Variants in CACNA1B observed in about 807,000 individuals in gnomAD.
CACNA1B encodes calcium voltage-gated channel subunit alpha1 B, also known as voltage-dependent N-type calcium channel subunit alpha-1B.
In CACNA1B, 70 loss-of-function variants were observed where a neutral mutation model predicts 247.2. The observed-to-expected ratio is 0.28, with a 90% confidence interval of 0.23 to 0.35. The LOEUF is 0.35. Ranked by LOEUF, CACNA1B falls within the 10% of genes least tolerant of loss-of-function variation. The probability of loss-of-function intolerance (pLI) is 1.00; values close to 1 mark genes in which losing one functional copy is unlikely to be tolerated. For synonymous variants in CACNA1B, 1,231 were observed against 1,294.4 expected, an observed-to-expected ratio of 0.95 and a Z score of 1.05; for missense variants, 2,367 against 3,197.4, an observed-to-expected ratio of 0.74 and a Z score of 6.26.
Position 138,012,647 on chromosome 9 carries a change from G to C in CACNA1B, c.2161-482G>C, listed in dbSNP as rs1202407766. Among the ~76,000 whole-genome samples, 1 of 151,852 alleles carries C rather than the reference G, an allele frequency of 6.6e-6. No individual in the cohort carries two copies. Among genetic ancestry groups the C allele is most frequent in the Non-Finnish European group, 1.5e-5 (1 of 67,964 alleles). On this transcript the variant is annotated intron_variant, in intron 17 of 46. Transcript: ENST00000371372. This position sits in a 1 kb window ranked among gnomAD's most constrained non-coding sequence, Gnocchi z 4.2. ...GAGGATCACTTAAGCCTGGGAGGTC[G>C]AGGCTGCAGTGAGCTGAGATTGAGC...
At chr9:138,083,621 C>G (rs185913078) in intron 36 of CACNA1B, among the ~76,000 whole-genome samples, 5 of 140,638 alleles carry the variant, frequency 3.6e-5, no homozygotes, top group Non-Finnish European at 7.7e-5. Context: ...GGCTGTGCAT[C>G]CCAGGGCTGA....
At position 138,013,208 on chromosome 9, in the gene CACNA1B, T is replaced by A; in HGVS notation, c.2240T>A (p.Met747Lys). 1 of 1,605,306 alleles carries A rather than the reference T, an allele frequency of 6.2e-7. No homozygotes were observed. Among genetic ancestry groups the A allele is most frequent in the Non-Finnish European group, 8.5e-7 (1 of 1,176,038 alleles). The change falls in exon 18 of 47, where the codon ATG becomes AAG. Residue 747 changes from methionine to lysine, a missense_variant. By Grantham distance (95) the Met-to-Lys change is moderately conservative. Transcript: ENST00000371372. The stretch of plus-strand genomic sequence containing the variant: ...AAAGAAGTGGCTGAAGTCAGCCCCA[T>A]GTCTGCCGCGAACATCTCCATCGCC... The part of the protein sequence containing the change: ...KAKEVAEVSP[M>K]SAANISIAAR...
chr9:138,029,152 GT>G (rs1958957365), intron 20 of CACNA1B, among the ~76,000 whole-genome samples: 1 of 152,142 alleles, frequency 6.6e-6, no homozygotes. Flanking sequence ...AGATATATAT[GT>G]TTTCCAGAAG....
chr9:137,972,045 T>A (rs898552921), intron 11 of CACNA1B, among the ~76,000 whole-genome samples: 1 of 152,164 alleles, frequency 6.6e-6, no homozygotes, highest in African/African-American at 2.4e-5. Flanking sequence ...GAGTCCTGGC[T>A]TCTTACCCTC....
At chr9:138,028,869 G>A (rs944898225) in intron 20 of CACNA1B, among the ~76,000 whole-genome samples, 1 of 152,180 alleles carries the variant, frequency 6.6e-6, no homozygotes, top group African/African-American at 2.4e-5. Flanking sequence ...AGCTCTAAAA[G>A]TTCCCAGAGT....
chr9:138,112,529 C>T (rs1194790774), intron 40 of CACNA1B, 24 bp downstream of exon 40: 4 of 1,432,450 alleles, frequency 2.8e-6, no homozygotes, highest in South Asian at 2.3e-5. Flanking sequence ...TGAGAAATGC[C>T]CCCAGCCCCC....
At position 138,096,609 on chromosome 9, in the gene CACNA1B, G is replaced by A. The variant is rs200577607; in HGVS notation, c.5220G>A (p.Ala1740=). Residue 1740 remains alanine, a splice_region_variant and synonymous_variant, in exon 37 of 47, where the codon GCG becomes GCA. Coordinates refer to ENST00000371372, the MANE Select transcript of CACNA1B (RefSeq NM_000718.4). ...TCTGGGCTGAATACGACCCGGCTGC[G>A]TGGTAAGTGAGCCGTGGTGCTCTGT... ...IRVWAEYDPA[A]CGRISYNDMF... The A allele has an allele frequency of 1.2e-5, 20 of 1,611,504 alleles. No homozygotes were observed. Among genetic ancestry groups the A allele is most frequent in the Middle Eastern group, 1.6e-4 (1 of 6,074 alleles).
intron 22 of CACNA1B, 93 bp from the exon 23 acceptor site, chr9:138,047,306 T>G (rs1297372966): frequency 1.0e-6 from 1 of 962,308 alleles, no homozygotes; most frequent in Non-Finnish European, 1.7e-6. Context: ...GGCTGACTGC[T>G]CAGAGGCCTG....
chr9:137,980,372 A>G (rs1958280236), intron 12 of CACNA1B, among the ~76,000 whole-genome samples: 1 of 152,194 alleles, frequency 6.6e-6, no homozygotes, highest in Admixed American at 6.5e-5. Flanking sequence ...TGTGTGAGGC[A>G]CCCTCAATCT....
rs1189173477 is a variant in CACNA1B, at chr9:137,975,969, C to T, written c.1606C>T (p.Leu536=). ...AGAGATGTCCCTGAAGATGTATGGC[C>T]TGGGGCCCAGAAGCTACTTCCGGTC... ...LTEMSLKMYG[L]GPRSYFRSSF... The change falls in exon 12 of 47, where the codon CTG becomes TTG. Residue 536 remains leucine (L), a synonymous_variant. Transcript: ENST00000371372. 3 of 1,613,746 alleles carry T rather than the reference C, an allele frequency of 1.9e-6. No individual in the cohort carries two copies. The South Asian group carries it at 3.3e-5, about 18-fold the overall frequency.
At chr9:137,903,962 C>G (rs1390525945) in intron 3 of CACNA1B, among the ~76,000 whole-genome samples, 1 of 152,216 alleles carries the variant, frequency 6.6e-6, no homozygotes, top group African/African-American at 2.4e-5. Flanking sequence ...CACACCCCTT[C>G]TGGGTAGAGC....
At chr9:138,107,716 G>A (rs1201484396) in intron 39 of CACNA1B, among the ~76,000 whole-genome samples, 4 of 152,120 alleles carry the variant, frequency 2.6e-5, no homozygotes, top group Non-Finnish European at 4.4e-5. Context: ...CGGGCGCAGT[G>A]GCTCACGTCT....
chr9:138,075,777 C>T (rs760270510), intron 34 of CACNA1B, 42 bp from the exon 35 acceptor site: 2 of 1,375,294 alleles, frequency 1.5e-6, no homozygotes, highest in South Asian at 1.2e-5. Flanking sequence ...GCGGCTCCTG[C>T]AGACCCAGCA....
At chr9:137,892,696 T>C (rs1957120011) in intron 3 of CACNA1B, 2 of 316,552 alleles carry the variant, frequency 6.3e-6, no homozygotes, top group South Asian at 5.3e-5. Context: ...TGGGGGCTCC[T>C]GAGCACCACC....
intron 15 of CACNA1B, among the ~76,000 whole-genome samples, chr9:137,997,299 G>T (rs1477783379): frequency 2.0e-5 from 3 of 152,102 alleles, no homozygotes; most frequent in Non-Finnish European, 1.5e-5. Flanking sequence ...GATTACAGTA[G>T]TATCAGGGGT....
chr9:138,117,291 G>C (rs986118885), intron 42 of CACNA1B, among the ~76,000 whole-genome samples: 1 of 152,092 alleles, frequency 6.6e-6, no homozygotes, highest in Non-Finnish European at 1.5e-5. Context: ...GCTTGGGGGG[G>C]GGGTCAGAGA....
intron 15 of CACNA1B, among the ~76,000 whole-genome samples, chr9:138,000,836 T>G (rs7045459): frequency 0.31 from 47,637 of 152,088 alleles, 10,004 homozygotes; most frequent in East Asian, 0.65. Flanking sequence ...GCATAAAGCT[T>G]CCATAATATT....
At chr9:137,965,982 C>T (rs1333950316) in intron 10 of CACNA1B, among the ~76,000 whole-genome samples, 5 of 152,222 alleles carry the variant, frequency 3.3e-5, no homozygotes, top group Non-Finnish European at 1.5e-5. Flanking sequence ...ATGATTGTTA[C>T]ATCTTCTTCC....
chr9:138,036,419 G>A (rs983881332), intron 20 of CACNA1B, among the ~76,000 whole-genome samples: 1 of 152,214 alleles, frequency 6.6e-6, no homozygotes, highest in Non-Finnish European at 1.5e-5. Context: ...GATTACAGGC[G>A]TGAGCCACCG....
Sources: gnomAD v4.1 joint callset for allele counts (sites outside exome capture counted in the v4.1 genomes callset) on GRCh38, gnomAD v4.1.1 for gene constraint, Gnocchi (gnomAD v3.1) non-coding constraint, MANE v1.5 for transcripts, NCBI Gene and HGNC (gene_info 2026-07-23, HGNC 2026-07-21) for gene names.